FAM135B: variants seen among roughly 807,000 people sequenced by gnomAD.
The protein encoded by FAM135B is family with sequence similarity 135 member B.
A neutral mutation model predicts 127.7 loss-of-function variants in FAM135B; 43 were observed. That is an observed-to-expected ratio of 0.34 (90% confidence interval 0.26 to 0.43). The LOEUF is 0.43. FAM135B is among the 20% of genes least tolerant of loss of function. The probability of loss-of-function intolerance (pLI) is 1.00; values close to 1 mark genes in which losing one functional copy is unlikely to be tolerated. For missense variants in FAM135B, 1,558 were observed against 1,725.6 expected (o/e 0.90, Z 1.72); for synonymous variants, 670 against 665.1 (o/e 1.01, Z -0.11).
intron 7 of FAM135B, among the ~76,000 whole-genome samples, chr8:138,222,795 C>A (rs1011797363): frequency 2.7e-5 from 4 of 150,852 alleles, no homozygotes; most frequent in African/African-American, 9.8e-5. Context: ...TCTTTAACTG[C>A]TCAATGAATA....
chr8:138,153,648 C>A (rs148565157), intron 12 of FAM135B, among the ~76,000 whole-genome samples: 2,023 of 152,326 alleles, frequency 0.013, 33 homozygotes, highest in African/African-American at 0.043. Flanking sequence ...TATCCCGCAC[C>A]TGGCTTGGAG....
chr8:138,405,793 A>T (rs1419693618), intron 1 of FAM135B, among the ~76,000 whole-genome samples: 2 of 151,960 alleles, frequency 1.3e-5, no homozygotes, highest in Non-Finnish European at 2.9e-5. Flanking sequence ...CGCCACACTG[A>T]CTTCCACAAT....
chr8:138,350,911 G>C (rs1042700645), intron 2 of FAM135B, among the ~76,000 whole-genome samples: 1 of 151,940 alleles, frequency 6.6e-6, no homozygotes, highest in Non-Finnish European at 1.5e-5. Context: ...ATCTAATGTC[G>C]TTGCCATATA....
intron 9 of FAM135B, among the ~76,000 whole-genome samples, chr8:138,178,986 A>G (rs1426171984): frequency 6.6e-6 from 1 of 152,180 alleles, no homozygotes; most frequent in Non-Finnish European, 1.5e-5. Context: ...GTCCCAGTAT[A>G]TCTTTTCCAT....
chr8:138,222,644 T>C lies in FAM135B; in HGVS notation c.669+20298A>G, dbSNP rs975340908. Among the ~76,000 whole-genome samples the C allele has an allele frequency of 8.6e-5, 13 of 151,666 alleles. No homozygotes were observed. In the East Asian group the frequency reaches 9.7e-4, roughly 11 times the overall value. ...TTATATTTAGATGTGGTGGGGTTTT[T>C]TGTTTGTTTGTTTGTAGGATTTTTG... On this transcript the variant is annotated intron_variant, in intron 7 of 19. Transcript: ENST00000395297.
At chr8:138,284,705 A>C (rs1482857046) in intron 3 of FAM135B, among the ~76,000 whole-genome samples, 4 of 151,898 alleles carry the variant, frequency 2.6e-5, no homozygotes, top group Non-Finnish European at 4.4e-5. Context: ...CTCTCAGTTC[A>C]GGCATCTCTT....
At chr8:138,247,807 A>G (rs1821402147) in intron 6 of FAM135B, among the ~76,000 whole-genome samples, 1 of 152,210 alleles carries the variant, frequency 6.6e-6, no homozygotes, top group Non-Finnish European at 1.5e-5. Context: ...CTTTTTATAC[A>G]ATAAACAAAT....
At chr8:138,324,590 T>C (rs1252131700) in intron 2 of FAM135B, among the ~76,000 whole-genome samples, 1 of 152,238 alleles carries the variant, frequency 6.6e-6, no homozygotes, top group Non-Finnish European at 1.5e-5. Flanking sequence ...CTTTGATACC[T>C]GACAGTGTTC....
chr8:138,136,265 T>G (rs1377955990), intron 19 of FAM135B, among the ~76,000 whole-genome samples: 1 of 152,104 alleles, frequency 6.6e-6, no homozygotes, highest in African/African-American at 2.4e-5. Context: ...GGTACACTAT[T>G]TTTTGATAGT....
chr8:138,276,282 G>A (rs140230228), intron 3 of FAM135B, among the ~76,000 whole-genome samples: 57 of 152,238 alleles, frequency 3.7e-4, no homozygotes, highest in African/African-American at 1.2e-3. Flanking sequence ...AAGTATAGTC[G>A]CAATTGCAGC....
chr8:138,211,673 C>T (rs1019303218), intron 7 of FAM135B, among the ~76,000 whole-genome samples: 1 of 152,192 alleles, frequency 6.6e-6, no homozygotes, highest in African/African-American at 2.4e-5. Context: ...TGTTTGTTAT[C>T]TGCTAGTACA....
chr8:138,446,511 A>G (rs2131571424), intron 1 of FAM135B, among the ~76,000 whole-genome samples: 1 of 152,282 alleles, frequency 6.6e-6, no homozygotes, highest in South Asian at 2.1e-4. Flanking sequence ...CATACCTACA[A>G]CTATCTGATC....
In FAM135B at chr8:138,138,991, T is replaced by C. The variant is rs750328290; in HGVS notation, c.3896A>G (p.Lys1299Arg). The C allele has an allele frequency of 1.2e-6, 2 of 1,608,486 alleles. No homozygotes were observed. The highest frequency in any genetic ancestry group is 1.3e-5 in the African/African-American group (1 of 74,902). ...RKCFLYQLSQ[K>R]TGLQYFKNVV... ...CTGTGGGGGAAACCACTGACCTGTT[T>C]TTTGGCTTAGTTGGTAGAGGAAACA... The change falls in exon 18 of 20, where the codon AAA (lysine) becomes AGA (arginine). Residue 1299 changes from lysine (K) to arginine (R), a missense_variant. Lys to Arg is a conservative substitution (Grantham distance 26). Around this residue, in one of 5 missense-constraint regions of FAM135B, gnomAD observed 194 missense variants for 333.8 expected, o/e 0.58. Coordinates refer to ENST00000395297, the MANE Select transcript of FAM135B (RefSeq NM_015912.4).
At chr8:138,428,205 T>C (rs1835004971) in intron 1 of FAM135B, among the ~76,000 whole-genome samples, 1 of 152,188 alleles carries the variant, frequency 6.6e-6, no homozygotes, top group Non-Finnish European at 1.5e-5. Flanking sequence ...GAATTGGGCA[T>C]TGTCCTCCCA....
intron 1 of FAM135B, among the ~76,000 whole-genome samples, chr8:138,443,667 C>T (rs989195753): frequency 6.6e-6 from 1 of 152,104 alleles, no homozygotes; most frequent in Non-Finnish European, 1.5e-5. Flanking sequence ...AGAGAGCAAA[C>T]AAATGACAGG....
intron 12 of FAM135B, among the ~76,000 whole-genome samples, chr8:138,160,060 C>T (rs1178056207): frequency 2.0e-5 from 3 of 151,298 alleles, no homozygotes; most frequent in African/African-American, 4.9e-5. Flanking sequence ...AATTAACCCC[C>T]GATAAACACT....
chr8:138,413,570 C>T (rs914706135), intron 1 of FAM135B, among the ~76,000 whole-genome samples: 1 of 152,188 alleles, frequency 6.6e-6, no homozygotes, highest in East Asian at 1.9e-4. Flanking sequence ...GTATATTCAT[C>T]TAACACCTTC....
intron 1 of FAM135B, among the ~76,000 whole-genome samples, chr8:138,429,865 C>A (rs1480600998): frequency 6.6e-6 from 1 of 152,112 alleles, no homozygotes; most frequent in Non-Finnish European, 1.5e-5. Flanking sequence ...TCTCCAACTA[C>A]CATACTGGAG....
chr8:138,331,636 C>A (rs1035935246), intron 2 of FAM135B, among the ~76,000 whole-genome samples: 1 of 146,278 alleles, frequency 6.8e-6, no homozygotes, highest in Admixed American at 6.9e-5. Context: ...CTCTTAGCAA[C>A]CTCACCTGAT....
Sources: gnomAD v4.1 joint callset for allele counts (sites outside exome capture counted in the v4.1 genomes callset) on GRCh38, gnomAD v4.1.1 for gene constraint, gnomAD v4.1.1 regional missense constraint, MANE v1.5 for transcripts, NCBI Gene and HGNC (gene_info 2026-07-23, HGNC 2026-07-21) for gene names.